FAT3: variants seen among roughly 807,000 people sequenced by gnomAD.
FAT3 encodes the protein protocadherin Fat 3.
Under a neutral mutation model 310.2 loss-of-function variants are expected in FAT3, and 95 were observed. The ratio of observed to expected loss-of-function variants is 0.31; its 90% CI spans 0.26 to 0.36. The LOEUF (loss-of-function observed/expected upper bound fraction) is 0.36. Ranked by LOEUF, FAT3 falls within the 10% of genes least tolerant of loss-of-function variation. FAT3 has a pLI of 1.00. For synonymous variants in FAT3, 2,314 were observed against 2,192.9 expected (o/e 1.06, Z -1.54); for missense variants, 5,408 against 5,715.6 (o/e 0.95, Z 1.74).
chr11:92,878,661 AAAAAAAG>A (rs1158019228), intron 22 of FAT3, among the ~76,000 whole-genome samples: 1,360 of 78,390 alleles, frequency 0.017, 145 homozygotes, highest in African/African-American at 0.07. Flanking sequence ...AAAAAAAAAA[AAAAAAAG>A]CTCCGCACAA....
chr11:92,343,127 A>C (rs1283967044), intron 1 of FAT3, among the ~76,000 whole-genome samples: 1 of 152,054 alleles, frequency 6.6e-6, no homozygotes, highest in African/African-American at 2.4e-5. Flanking sequence ...TGAATCTTCC[A>C]TTTTTCTCAG....
At chr11:92,544,877 T>C (rs1954567730) in intron 3 of FAT3, among the ~76,000 whole-genome samples, 1 of 152,158 alleles carries the variant, frequency 6.6e-6, no homozygotes. Flanking sequence ...TTTTGAGACT[T>C]ATGTGTGCCA....
chr11:92,375,000 G>A (rs556825411), intron 2 of FAT3, among the ~76,000 whole-genome samples: 3 of 152,170 alleles, frequency 2.0e-5, no homozygotes, highest in East Asian at 3.9e-4. Flanking sequence ...AAACATTCAC[G>A]CAGAGAAAGT....
intron 3 of FAT3, among the ~76,000 whole-genome samples, chr11:92,587,890 T>C (rs1939233583): frequency 6.6e-6 from 1 of 152,002 alleles, no homozygotes; most frequent in Admixed American, 6.6e-5. Context: ...TCCTGCCCTA[T>C]CTAAAGCCAA....
At chr11:92,693,238 C>G (rs943076080) in intron 3 of FAT3, among the ~76,000 whole-genome samples, 1 of 152,154 alleles carries the variant, frequency 6.6e-6, no homozygotes, top group Non-Finnish European at 1.5e-5. Context: ...GTAATTATAT[C>G]AAATGATGTG....
chr11:92,322,368 C>A (rs1433160320), intron 1 of FAT3, among the ~76,000 whole-genome samples: 2 of 152,086 alleles, frequency 1.3e-5, no homozygotes, highest in Non-Finnish European at 2.9e-5. Context: ...AATGTTTTTG[C>A]TGGTGGAAGG....
chr11:92,837,232 T>C (rs1948430607), intron 16 of FAT3, among the ~76,000 whole-genome samples: 3 of 152,226 alleles, frequency 2.0e-5, no homozygotes, highest in Admixed American at 6.5e-5. Flanking sequence ...TAGACTCTAC[T>C]GGGTGATACA....
At chr11:92,268,300 A>G (rs1946024894) in intron 1 of FAT3, among the ~76,000 whole-genome samples, 1 of 152,048 alleles carries the variant, frequency 6.6e-6, no homozygotes, top group African/African-American at 2.4e-5. Flanking sequence ...GCCAATGCCC[A>G]TACCTTTTCC....
chr11:92,362,943 G>T (rs1174321037), intron 2 of FAT3, among the ~76,000 whole-genome samples: 4 of 152,130 alleles, frequency 2.6e-5, no homozygotes, highest in Admixed American at 2.0e-4. Flanking sequence ...GAAACCAGAG[G>T]ACTGTATCTT....
At chr11:92,256,379 A>G (rs926457695) in intron 1 of FAT3, among the ~76,000 whole-genome samples, 2 of 152,010 alleles carry the variant, frequency 1.3e-5, no homozygotes, top group East Asian at 1.9e-4. Flanking sequence ...AGGAATTTCC[A>G]GTGATCACAA....
intron 4 of FAT3, among the ~76,000 whole-genome samples, chr11:92,745,817 A>G (rs1252407408): frequency 6.6e-6 from 1 of 152,220 alleles, no homozygotes; most frequent in Non-Finnish European, 1.5e-5. Flanking sequence ...CATTCAACCA[A>G]CAAATATTTG....
At chr11:92,384,801 A>G (rs965600661) in intron 2 of FAT3, among the ~76,000 whole-genome samples, 3 of 152,212 alleles carry the variant, frequency 2.0e-5, no homozygotes, top group African/African-American at 7.2e-5. Context: ...AGAAATCAGT[A>G]TTGGCTTTGT....
chr11:92,476,819 C>G (rs1461866704), intron 2 of FAT3, among the ~76,000 whole-genome samples: 1 of 152,166 alleles, frequency 6.6e-6, no homozygotes, highest in Non-Finnish European at 1.5e-5. Context: ...TACTGAGGAA[C>G]TAAAAATTAA....
At chr11:92,341,388 G>T (rs1219271774) in intron 1 of FAT3, among the ~76,000 whole-genome samples, 1 of 151,958 alleles carries the variant, frequency 6.6e-6, no homozygotes, top group Non-Finnish European at 1.5e-5. Context: ...GGTGACCTTG[G>T]TCTCATTAGC....
intron 3 of FAT3, among the ~76,000 whole-genome samples, chr11:92,631,708 T>A (rs567024631): frequency 6.6e-6 from 1 of 152,228 alleles, no homozygotes; most frequent in East Asian, 1.9e-4. Flanking sequence ...AATGCCAAAA[T>A]GAACTAATAC....
chr11:92,832,089 G>A (rs2136261099), intron 14 of FAT3, 78 bp downstream of exon 14: 2 of 1,427,198 alleles, frequency 1.4e-6, no homozygotes, highest in South Asian at 2.9e-5. Context: ...CTAGCACTTT[G>A]GGAGGCTGAG....
intron 1 of FAT3, among the ~76,000 whole-genome samples, chr11:92,327,079 A>G (rs1313253414): frequency 1.3e-5 from 2 of 152,138 alleles, no homozygotes; most frequent in African/African-American, 4.8e-5. Context: ...ATTTTAAATA[A>G]TATTTATTAA....
chr11:92,339,316 G>A (rs1948177440), intron 1 of FAT3, among the ~76,000 whole-genome samples: 1 of 152,114 alleles, frequency 6.6e-6, no homozygotes, highest in Admixed American at 6.5e-5. Context: ...GGTCAAAATT[G>A]CCCCTTACTC....
chr11:92,468,835 A>G (rs1951838540), intron 2 of FAT3, among the ~76,000 whole-genome samples: 1 of 152,186 alleles, frequency 6.6e-6, no homozygotes, highest in African/African-American at 2.4e-5. Context: ...CATGATGGGA[A>G]CTACAGTTGA....
Sources: gnomAD v4.1 joint callset for allele counts (sites outside exome capture counted in the v4.1 genomes callset) on GRCh38, gnomAD v4.1.1 for gene constraint, MANE v1.5 for transcripts, NCBI Gene and HGNC (gene_info 2026-07-23, HGNC 2026-07-21) for gene names.